BPIFA1: variants seen among roughly 807,000 people sequenced by gnomAD.
The protein encoded by BPIFA1 is BPI fold-containing family A member 1.
In BPIFA1, 24 loss-of-function variants were observed where a neutral mutation model predicts 25.1. The ratio of observed to expected loss-of-function variants is 0.96; its 90% CI spans 0.69 to 1.35. The LOEUF (loss-of-function observed/expected upper bound fraction) is 1.35. Among genes scored for constraint, BPIFA1 ranks in the 40% most tolerant of loss-of-function variants. BPIFA1 has a pLI of 0.00. For synonymous variants in BPIFA1, 139 were observed against 131.8 expected, an observed-to-expected ratio of 1.05 and a Z score of -0.37; for missense variants, 344 against 303.7, an observed-to-expected ratio of 1.13 and a Z score of -0.99.
At chr20:33,238,822 G>T (rs1473379262) in intron 3 of BPIFA1, among the ~76,000 whole-genome samples, 2 of 152,170 alleles carry the variant, frequency 1.3e-5, no homozygotes, top group Non-Finnish European at 2.9e-5. Flanking sequence ...CCAGTGAGCC[G>T]GCAGAGCCTG....
chr20:33,241,724 T>G (rs887220509), intron 6 of BPIFA1, among the ~76,000 whole-genome samples: 14 of 152,162 alleles, frequency 9.2e-5, no homozygotes, highest in Non-Finnish European at 2.1e-4. Context: ...TTCTGAGAAA[T>G]TGGAGAAGTT....
At position 33,240,219 on chromosome 20, in the gene BPIFA1, T is replaced by C; in HGVS notation, c.429-14T>C. On this transcript the variant is annotated splice_polypyrimidine_tract_variant and intron_variant, in intron 4 of 8. Coordinates refer to ENST00000354297, the MANE Select transcript of BPIFA1 (RefSeq NM_130852.3). ...TGGTGGAGCTAGATACCAGTGGGGC[T>C]GTCTCCTTTGCAGGCCCCTGGTCGG... 2 of 1,612,924 alleles carry C rather than the reference T, an allele frequency of 1.2e-6. No individual in the cohort carries two copies. Among genetic ancestry groups the C allele is most frequent in the Non-Finnish European group, 1.7e-6 (2 of 1,179,560 alleles).
At chr20:33,238,466 T>C (rs1474561641) in intron 3 of BPIFA1, among the ~76,000 whole-genome samples, 3 of 152,064 alleles carry the variant, frequency 2.0e-5, no homozygotes, top group Non-Finnish European at 4.4e-5. Flanking sequence ...CCACAACCCT[T>C]TGAGGTCGAT....
intron 1 of BPIFA1, 135 bp from the exon 2 acceptor site, chr20:33,237,562 G>T: frequency 3.5e-6 from 2 of 579,148 alleles, no homozygotes; most frequent in Non-Finnish European, 5.4e-6. Context: ...AAATTGTTCA[G>T]CAGTATTAGC....
rs752141661 is a variant in BPIFA1 at position 33,239,779 on chromosome 20, C to T, written c.321-24C>T. 2.5e-6 allele frequency: 4 copies of T among 1,597,062 alleles called. No homozygotes were observed. The African/African-American group carries it at 4.0e-5, about 16-fold the overall frequency. On this transcript the variant is annotated intron_variant, in intron 3 of 8. Transcript: ENST00000354297. ...GGAGCTAGAGGAGCTAATGTTTCCC[C>T]CTCCAATATTACTCCCTGGACAGCA... is the stretch of plus-strand genomic sequence containing the variant.
chr20:33,237,516 T>C (rs1978732757), intron 1 of BPIFA1, among the ~76,000 whole-genome samples, 181 bp from the exon 2 acceptor site: 1 of 151,888 alleles, frequency 6.6e-6, no homozygotes, highest in Non-Finnish European at 1.5e-5. Flanking sequence ...GAAGATGAAA[T>C]TGTGTAAAGT....
rs539781988 is a variant in BPIFA1, at chr20:33,237,885, G to A, written c.160+14G>A. ...GCTTGACAAATGGTGAGTTTTCAGG[G>A]GTGTATGTGTGCATGTGTGTGTGTG... is the stretch of plus-strand genomic sequence containing the variant. On this transcript the variant is annotated intron_variant, in intron 2 of 8. Transcript: ENST00000354297. 351 of 1,555,232 alleles carry A rather than the reference G, an allele frequency of 2.3e-4. No homozygotes were observed. In the Middle Eastern group the frequency reaches 3.7e-3, roughly 16 times the overall value.
At chr20:33,241,593 A>G (rs1328357102) in intron 6 of BPIFA1, 124 bp downstream of exon 6, 5 of 817,712 alleles carry the variant, frequency 6.1e-6, no homozygotes, top group East Asian at 4.9e-5. Context: ...TCATCAATCT[A>G]TTTGTCCATT....
chr20:33,241,589 A>G (rs1978982794), intron 6 of BPIFA1, 120 bp downstream of exon 6: 7 of 849,596 alleles, frequency 8.2e-6, no homozygotes, highest in Admixed American at 3.8e-5. Context: ...CCATTCATCA[A>G]TCTATTTGTC....
At chr20:33,237,660 T>C in intron 1 of BPIFA1, 37 bp from the exon 2 acceptor site, 1 of 1,384,000 alleles carries the variant, frequency 7.2e-7, no homozygotes, top group Non-Finnish European at 9.4e-7. Flanking sequence ...TCCTCTCTGA[T>C]ACCCATGCCA....
intron 1 of BPIFA1, among the ~76,000 whole-genome samples, chr20:33,237,475 G>C (rs1332799526): frequency 6.6e-6 from 1 of 152,160 alleles, no homozygotes; most frequent in Non-Finnish European, 1.5e-5. Context: ...TGCAATGCAG[G>C]TAACAGGTGC....
intron 1 of BPIFA1, 140 bp from the exon 2 acceptor site, chr20:33,237,557 G>A (rs1978735712): frequency 5.4e-6 from 3 of 560,702 alleles, no homozygotes; most frequent in Non-Finnish European, 5.6e-6. Context: ...AAGAGAAATT[G>A]TTCAGCAGTA....
At chr20:33,240,531 G>GATGA in intron 5 of BPIFA1, 146 bp downstream of exon 5, 1 of 399,734 alleles carries the variant, frequency 2.5e-6, no homozygotes, top group Non-Finnish European at 4.1e-6. Context: ...AGCGTGGAAA[G>GATGA]ATGGATGGAT....
chr20:33,242,287 C>T (rs892271396), intron 7 of BPIFA1, among the ~76,000 whole-genome samples, 168 bp downstream of exon 7: 2 of 152,096 alleles, frequency 1.3e-5, no homozygotes, highest in Non-Finnish European at 2.9e-5. Flanking sequence ...AGATAGACAC[C>T]GTGTCTCCTG....
chr20:33,240,235 C>T lies in BPIFA1; in HGVS notation c.431C>T (p.Pro144Leu). The T allele has an allele frequency of 6.2e-7, 1 of 1,613,780 alleles. No homozygotes were observed. The highest frequency in any genetic ancestry group is 1.3e-5 in the African/African-American group (1 of 75,018). ...PLGIKLQVNT[P>L]LVGASLLRLA... ...CAGTGGGGCTGTCTCCTTTGCAGGC[C>T]CCTGGTCGGTGCAAGTCTGTTGAGG... Residue 144 changes from proline to leucine, a missense_variant and splice_region_variant, in exon 5 of 9, where the codon CCC (proline) becomes CTC (leucine). Transcript: ENST00000354297.
Position 33,237,890 on chromosome 20 carries a change from ATGTGTGCATGTGTGTGTGTGTGTG to A in BPIFA1, c.160+26_160+49del. On this transcript the variant is annotated intron_variant, in intron 2 of 8. Coordinates refer to ENST00000354297, the MANE Select transcript of BPIFA1 (RefSeq NM_130852.3). ...ACAAATGGTGAGTTTTCAGGGGTGTATGTGTGCATGTGTGTGTGTGTGTGTGTGTGTGTGTGTGTGTGTGTGTGT... is the reference window on the plus strand; with the variant it reads ...ACAAATGGTGAGTTTTCAGGGGTGTATGTGTGTGTGTGTGTGTGTGTGTGT... 2 of 1,434,670 alleles carry A rather than the reference ATGTGTGCATGTGTGTGTGTGTGTG, an allele frequency of 1.4e-6. No individual in the cohort carries two copies. Among genetic ancestry groups the A allele is most frequent in the East Asian group, 5.0e-5 (2 of 39,856 alleles). 88.9% of individuals were successfully genotyped at this position (1,434,670 alleles called of 1,614,324 possible).
rs1052268552 is a variant in BPIFA1, at chr20:33,242,541, G to A, written c.*14G>A. ...ATCAAGGTCTAAGCCTTCCAGGAAG[G>A]GGCTGGCCTCTGCTGAGCTGGTAAG... is the stretch of plus-strand genomic sequence containing the variant. On this transcript the variant is annotated 3_prime_UTR_variant, in exon 8 of 9. Coordinates refer to ENST00000354297, the MANE Select transcript of BPIFA1 (RefSeq NM_130852.3). 3.7e-6 allele frequency: 6 copies of A among 1,613,768 alleles called. No homozygotes were observed. In the African/African-American group the frequency reaches 5.3e-5, roughly 14 times the overall value.
chr20:33,241,277 G>A (rs2273529), intron 5 of BPIFA1, 108 bp from the exon 6 acceptor site: 233,428 of 1,047,252 alleles, frequency 0.22, 27,633 homozygotes, highest in Admixed American at 0.38. Context: ...GACAAGGCTC[G>A]GCTTTAGTGA....
At position 33,242,126 on chromosome 20, in the gene BPIFA1, A is replaced by G. The variant is rs768333183; in HGVS notation, c.730+7A>G. On this transcript the variant is annotated splice_region_variant and intron_variant, in intron 7 of 8. Coordinates refer to ENST00000354297, the MANE Select transcript of BPIFA1 (RefSeq NM_130852.3). ...CTGGTGCATGACATTGTTAGTAAGT[A>G]CCTGCTTTCAAGCCCTCTGTCCCTC... 1.2e-5 allele frequency: 19 copies of G among 1,613,602 alleles called. No individual in the cohort carries two copies. In the East Asian group the frequency reaches 3.8e-4, roughly 32 times the overall value.
Sources: allele counts gnomAD v4.1 joint callset (sites outside exome capture counted in the v4.1 genomes callset), GRCh38; gene constraint gnomAD v4.1.1; transcripts MANE v1.5; gene names NCBI Gene and HGNC (gene_info 2026-07-23, HGNC 2026-07-21).